PRKRIP1: variants seen among roughly 807,000 people sequenced by gnomAD.
PRKRIP1 encodes the protein PRKR-interacting protein 1.
In PRKRIP1, 29 loss-of-function variants were observed where a neutral mutation model predicts 29.3. That is an observed-to-expected ratio of 0.99 (90% CI 0.74 to 1.35). The LOEUF (loss-of-function observed/expected upper bound fraction) is 1.35, where lower values mean the gene tolerates loss of function less well. Among genes scored for constraint, PRKRIP1 ranks in the 40% most tolerant of loss-of-function variants. The pLI, the probability that PRKRIP1 is intolerant of heterozygous loss-of-function variation, is 0.00. For missense variants in PRKRIP1, 247 were observed against 236.8 expected (o/e 1.04, Z -0.28); for synonymous variants, 90 against 85.1 (o/e 1.06, Z -0.32).
intron 5 of PRKRIP1, among the ~76,000 whole-genome samples, chr7:102,422,268 G>A (rs533492683): frequency 1.3e-5 from 2 of 150,568 alleles, no homozygotes; most frequent in African/African-American, 2.4e-5. Flanking sequence ...CCTCCCTCCC[G>A]GGTTCAAGCG....
chr7:102,408,472 A>G (rs1182844644), intron 5 of PRKRIP1, among the ~76,000 whole-genome samples: 3 of 152,152 alleles, frequency 2.0e-5, no homozygotes, highest in Non-Finnish European at 2.9e-5. Context: ...CGTGCTGCCA[A>G]TCCTGCCGCC....
intron 5 of PRKRIP1, among the ~76,000 whole-genome samples, chr7:102,421,381 C>G (rs1368510497): frequency 1.3e-5 from 2 of 151,342 alleles, no homozygotes; most frequent in African/African-American, 4.9e-5. Flanking sequence ...CTCGTCTCTA[C>G]AAAAAATACA....
rs532685161 is a variant in PRKRIP1, at chr7:102,418,454, C to G, written c.458-6560C>G. On this transcript the variant is annotated intron_variant, in intron 5 of 5. Coordinates refer to ENST00000397912, the MANE Select transcript of PRKRIP1 (RefSeq NM_024653.4). ...GATGGTTGCTTTTAGGCTCTCTCAG[C>G]TGACAGAGCCAGGAAATTTACCTGT... Among the ~76,000 whole-genome samples, 5 of 152,282 alleles carry G rather than the reference C, an allele frequency of 3.3e-5. No individual in the cohort carries two copies. In the South Asian group the frequency reaches 1.0e-3, roughly 32 times the overall value.
intron 4 of PRKRIP1, among the ~76,000 whole-genome samples, chr7:102,406,992 G>T (rs557793691): frequency 3.3e-5 from 5 of 152,252 alleles, no homozygotes; most frequent in Admixed American, 6.5e-5. Context: ...AAGGCAGGTG[G>T]ATCACGAGGT....
intron 3 of PRKRIP1, among the ~76,000 whole-genome samples, chr7:102,400,259 T>G (rs1554571041): frequency 6.6e-6 from 1 of 150,386 alleles, no homozygotes; most frequent in East Asian, 2.0e-4. Context: ...GCAGTGAGCC[T>G]AGATTGCACC....
intron 3 of PRKRIP1, among the ~76,000 whole-genome samples, chr7:102,401,608 C>T (rs1554571169): frequency 6.6e-6 from 1 of 152,196 alleles, no homozygotes; most frequent in African/African-American, 2.4e-5. Context: ...TGGCACATGC[C>T]TATAATCCCA....
rs555692747 is a variant in PRKRIP1 at position 102,425,230 on chromosome 7, G to A, written c.*119G>A. 748 of 1,523,362 alleles carry A rather than the reference G, an allele frequency of 4.9e-4. 5 individuals carry two copies. The South Asian group carries it at 7.6e-3, about 16-fold the overall frequency. The allele number at this position is 1,523,362 out of a possible 1,614,324, so 94.4% of individuals were successfully genotyped here. ...GCTGACCCGCTGGATGGAGAGCAAA[G>A]GAGACCCCTCCCGAGCCGCTCACAG... On this transcript the variant is annotated 3_prime_UTR_variant, in exon 6 of 6. Coordinates refer to ENST00000397912, the MANE Select transcript of PRKRIP1 (RefSeq NM_024653.4).
At chr7:102,422,146 T>A (rs539034026) in intron 5 of PRKRIP1, among the ~76,000 whole-genome samples, 20 of 131,698 alleles carry the variant, frequency 1.5e-4, no homozygotes, top group African/African-American at 3.7e-4. Flanking sequence ...TACACAAAAT[T>A]ATTATTATTA....
At chr7:102,423,978 C>A (rs1796772252) in intron 5 of PRKRIP1, among the ~76,000 whole-genome samples, 1 of 152,244 alleles carries the variant, frequency 6.6e-6, no homozygotes, top group Non-Finnish European at 1.5e-5. Context: ...TTTGAACTTT[C>A]AAAGCTAATC....
chr7:102,423,120 C>CTTTTTTTTT lies in PRKRIP1; in HGVS notation c.458-1890_458-1882dup. The CTTTTTTTTT allele has an allele frequency of 9.9e-5, 38 of 382,304 alleles. 1 individual carries two copies. Among genetic ancestry groups the CTTTTTTTTT allele is most frequent in the Non-Finnish European group, 1.5e-4 (28 of 190,920 alleles). The allele number at this position is 382,304 out of a possible 1,614,324, so 23.7% of individuals were successfully genotyped here. A position where few individuals can be genotyped will look rare whatever the true frequency, so the allele number is the denominator to read the frequency against. Reference sequence around the variant, plus strand: ...AGAATTAAAGATCAGACCCTATGCTCTTTTTTTTTTTTGAGACAGAGTCTG... The same window carrying CTTTTTTTTT: ...AGAATTAAAGATCAGACCCTATGCTCTTTTTTTTTTTTTTTTTTTTTGAGACAGAGTCTG... On this transcript the variant is annotated intron_variant, in intron 5 of 5. Coordinates refer to ENST00000397912, the MANE Select transcript of PRKRIP1 (RefSeq NM_024653.4).
At chr7:102,398,959 T>A (rs1048416008) in intron 2 of PRKRIP1, among the ~76,000 whole-genome samples, 1 of 152,040 alleles carries the variant, frequency 6.6e-6, no homozygotes, top group Non-Finnish European at 1.5e-5. Flanking sequence ...TCATCTCTAC[T>A]AAAAATGTAA....
intron 2 of PRKRIP1, among the ~76,000 whole-genome samples, chr7:102,398,770 C>T (rs1795986607): frequency 6.6e-6 from 1 of 152,076 alleles, no homozygotes; most frequent in Non-Finnish European, 1.5e-5. Context: ...CTTTAGTTTC[C>T]CACTGCACAT....
chr7:102,406,917 C>A (rs1796240775), intron 4 of PRKRIP1, among the ~76,000 whole-genome samples: 1 of 150,962 alleles, frequency 6.6e-6, no homozygotes, highest in African/African-American at 2.4e-5. Flanking sequence ...ATAATCACAT[C>A]TATTTAAGAA....
At chr7:102,418,594 C>T (rs911206026) in intron 5 of PRKRIP1, among the ~76,000 whole-genome samples, 11 of 152,172 alleles carry the variant, frequency 7.2e-5, no homozygotes, top group African/African-American at 2.7e-4. Context: ...CCCAGTATGA[C>T]ATAGCTCATT....
chr7:102,422,329 A>G (rs1245381518), intron 5 of PRKRIP1, among the ~76,000 whole-genome samples: 4 of 149,864 alleles, frequency 2.7e-5, no homozygotes, highest in African/African-American at 9.8e-5. Context: ...GTGAGCCACC[A>G]TGCCTGGCTA....
At position 102,425,963 on chromosome 7, in the gene PRKRIP1, CCTTGCATGACTG is replaced by C. The variant is rs1232311687; in HGVS notation, c.*854_*865del. 1 of 153,144 alleles carries C rather than the reference CCTTGCATGACTG, an allele frequency of 6.5e-6. No homozygotes were observed. Among genetic ancestry groups the C allele is most frequent in the Non-Finnish European group, 1.5e-5 (1 of 68,358 alleles). The allele number at this position is 153,144 out of a possible 1,614,324, so 9.5% of individuals were successfully genotyped here. A position where few individuals can be genotyped will look rare whatever the true frequency, so the allele number is the denominator to read the frequency against. On this transcript the variant is annotated 3_prime_UTR_variant, in exon 6 of 6. Transcript: ENST00000397912. ...ACTGGGTCAAGTGGGTGGAGCTCCT[CCTTGCATGACTG>C]CAACTGTCGGGGCTTTCCGCCGGCT...
intron 5 of PRKRIP1, among the ~76,000 whole-genome samples, chr7:102,421,885 CG>C (rs1796702565): frequency 6.6e-6 from 1 of 151,956 alleles, no homozygotes; most frequent in South Asian, 2.1e-4. Context: ...ATTTAGCAGC[CG>C]ATCCAGGTGT....
At chr7:102,422,892 G>A (rs1482373945) in intron 5 of PRKRIP1, 1 of 278,870 alleles carries the variant, frequency 3.6e-6, no homozygotes, top group Non-Finnish European at 7.3e-6. Context: ...ATCTCATTGT[G>A]TAGATGCAGA....
At chr7:102,400,184 A>C (rs1554571027) in intron 3 of PRKRIP1, among the ~76,000 whole-genome samples, 2 of 149,566 alleles carry the variant, frequency 1.3e-5, no homozygotes, top group Non-Finnish European at 3.0e-5. Context: ...GTGGTGGGCA[A>C]CTGTAGTCCC....
Sources: gnomAD v4.1 joint callset for allele counts (sites outside exome capture counted in the v4.1 genomes callset) on GRCh38, gnomAD v4.1.1 for gene constraint, MANE v1.5 for transcripts, NCBI Gene and HGNC (gene_info 2026-07-23, HGNC 2026-07-21) for gene names.